The following RCOR3 variants were observed in gnomAD, a reference collection of about 807,000 sequenced individuals.
RCOR3 encodes the protein REST corepressor 3.
Under a neutral mutation model 64.1 loss-of-function variants are expected in RCOR3, and 13 were observed. The ratio of observed to expected loss-of-function variants is 0.20; its 90% confidence interval spans 0.13 to 0.32. The LOEUF (loss-of-function observed/expected upper bound fraction) is 0.32. Ranked by LOEUF, RCOR3 falls within the 10% of genes least tolerant of loss-of-function variation. The pLI, the probability that RCOR3 is intolerant of heterozygous loss-of-function variation, is 1.00. For synonymous variants in RCOR3, 215 were observed against 239.0 expected, an observed-to-expected ratio of 0.90 and a Z score of 0.93; for missense variants, 489 against 701.2, an observed-to-expected ratio of 0.70 and a Z score of 3.42.
chr1:211,265,749 T>A (rs964037022), intron 2 of RCOR3, among the ~76,000 whole-genome samples: 1 of 152,004 alleles, frequency 6.6e-6, no homozygotes. Flanking sequence ...TAAAAGTGCT[T>A]TATTGATCAC....
chr1:211,298,304 G>T (rs1323831827), intron 9 of RCOR3, among the ~76,000 whole-genome samples: 5 of 152,162 alleles, frequency 3.3e-5, no homozygotes, highest in African/African-American at 1.2e-4. Context: ...CTTAGAGGGG[G>T]AATACTGCAG....
intron 9 of RCOR3, among the ~76,000 whole-genome samples, chr1:211,296,407 C>T (rs561312472): frequency 3.4e-4 from 52 of 152,174 alleles, no homozygotes; most frequent in Non-Finnish European, 2.8e-4. Flanking sequence ...CTCTCTTTAA[C>T]ATTTCCTTAT....
chr1:211,283,291 A>G (rs1398960989), intron 7 of RCOR3, among the ~76,000 whole-genome samples: 1 of 152,238 alleles, frequency 6.6e-6, no homozygotes, highest in African/African-American at 2.4e-5. Flanking sequence ...GGTGACAACT[A>G]TACTGAAGTG....
intron 2 of RCOR3, among the ~76,000 whole-genome samples, chr1:211,262,442 A>G (rs1694484554): frequency 1.3e-5 from 2 of 152,100 alleles, no homozygotes; most frequent in Non-Finnish European, 2.9e-5. Flanking sequence ...ATATATTCAC[A>G]CCTTTCTGAT....
At chr1:211,305,993 G>A (rs1700813569) in intron 10 of RCOR3, among the ~76,000 whole-genome samples, 1 of 152,168 alleles carries the variant, frequency 6.6e-6, no homozygotes, top group Non-Finnish European at 1.5e-5. Context: ...TTGCATGTTC[G>A]CAGGATTTCA....
At chr1:211,290,001 G>C (rs934146160) in intron 8 of RCOR3, among the ~76,000 whole-genome samples, 13 of 152,162 alleles carry the variant, frequency 8.5e-5, no homozygotes, top group African/African-American at 3.1e-4. Context: ...GTGGTTGAGA[G>C]GAATTAAACA....
chr1:211,276,240 A>G lies in RCOR3; in HGVS notation c.355-17A>G. The G allele has an allele frequency of 6.2e-7, 1 of 1,608,556 alleles. No homozygotes were observed. The highest frequency in any genetic ancestry group is 8.5e-7 in the Non-Finnish European group (1 of 1,177,230). ...ATAAGTCCATTAAAACCAAAGGGGA[A>G]TGATTTCTCTTCAAAGGCACTTGGC... On this transcript the variant is annotated splice_polypyrimidine_tract_variant and intron_variant, in intron 4 of 11. Transcript: ENST00000419091.
chr1:211,263,815 GTTTTGTTTTTT>G (rs959628446), intron 2 of RCOR3, among the ~76,000 whole-genome samples: 7 of 14,492 alleles, frequency 4.8e-4, no homozygotes, highest in Non-Finnish European at 1.3e-3. Context: ...AGTTTTTTTT[GTTTTGTTTTTT>G]TTTTGTTTTT....
At chr1:211,259,778 C>T in intron 1 of RCOR3, 52 bp downstream of exon 1, 2 of 1,195,238 alleles carry the variant, frequency 1.7e-6, no homozygotes, top group Non-Finnish European at 2.2e-6. Context: ...CTCCCTCTTC[C>T]CCTCCCCCAG....
Position 211,280,466 on chromosome 1 carries a change from A to G in RCOR3, c.720+1150A>G, listed in dbSNP as rs112417693. ...GTACCTGGTATATGGCAAATATTCA[A>G]TAAATGTTGATTCAATAAATCATTG... On this transcript the variant is annotated intron_variant, in intron 7 of 11. Transcript: ENST00000419091. Among the ~76,000 whole-genome samples, 926 of 152,326 alleles carry G rather than the reference A, an allele frequency of 6.1e-3. 5 individuals are homozygous for G. Among genetic ancestry groups the G allele is most frequent in the African/African-American group, 0.021 (866 of 41,558 alleles).
intron 10 of RCOR3, among the ~76,000 whole-genome samples, chr1:211,310,714 G>A (rs1331824955): frequency 6.6e-6 from 1 of 152,150 alleles, no homozygotes; most frequent in Non-Finnish European, 1.5e-5. Context: ...TTATTTAATG[G>A]AATCAGACTT....
intron 2 of RCOR3, among the ~76,000 whole-genome samples, chr1:211,262,033 C>CCTTT (rs1694394619): frequency 1.5e-5 from 1 of 65,512 alleles, no homozygotes; most frequent in African/African-American, 6.2e-5. Context: ...GCTATAAAAA[C>CCTTT]TTTTTTTTTT....
At chr1:211,304,026 C>G in intron 9 of RCOR3, 57 bp from the exon 10 acceptor site, 1 of 1,261,954 alleles carries the variant, frequency 7.9e-7, no homozygotes, top group Non-Finnish European at 1.1e-6. Flanking sequence ...AAAATAAGCG[C>G]TTTGGAAAAT....
At chr1:211,292,999 G>C (rs773794962) in intron 8 of RCOR3, among the ~76,000 whole-genome samples, 3 of 151,996 alleles carry the variant, frequency 2.0e-5, no homozygotes, top group Non-Finnish European at 4.4e-5. Context: ...CAGGAGAATA[G>C]CTTGAATCCG....
chr1:211,262,565 T>TG (rs763881855), intron 2 of RCOR3, among the ~76,000 whole-genome samples: 7 of 152,194 alleles, frequency 4.6e-5, no homozygotes, highest in Non-Finnish European at 8.8e-5. Context: ...CCTATATTTT[T>TG]GCCCCAGTGG....
At chr1:211,270,500 C>G (rs1695993020) in intron 2 of RCOR3, among the ~76,000 whole-genome samples, 2 of 149,690 alleles carry the variant, frequency 1.3e-5, no homozygotes, top group Admixed American at 1.3e-4. Flanking sequence ...AAAAAGCAGA[C>G]AAAAGTGTTT....
At chr1:211,282,929 C>A (rs1376731927) in intron 7 of RCOR3, among the ~76,000 whole-genome samples, 1 of 152,090 alleles carries the variant, frequency 6.6e-6, no homozygotes, top group East Asian at 1.9e-4. Flanking sequence ...CATTTAGTTT[C>A]ATTTATTTCA....
chr1:211,304,560 T>C (rs1318012061), intron 10 of RCOR3, among the ~76,000 whole-genome samples: 1 of 152,226 alleles, frequency 6.6e-6, no homozygotes, highest in Non-Finnish European at 1.5e-5. Context: ...AATGTCAGGA[T>C]TGAAAATATT....
chr1:211,299,987 C>T (rs1050423315), intron 9 of RCOR3, among the ~76,000 whole-genome samples: 10 of 151,860 alleles, frequency 6.6e-5, no homozygotes, highest in African/African-American at 1.2e-4. Flanking sequence ...TCACTCTTCC[C>T]CCTCTTCTGC....
Sources: allele counts gnomAD v4.1 joint callset (sites outside exome capture counted in the v4.1 genomes callset), GRCh38; gene constraint gnomAD v4.1.1; transcripts MANE v1.5; gene names NCBI Gene and HGNC (gene_info 2026-07-23, HGNC 2026-07-21).